ARID5B: variants seen among roughly 807,000 people sequenced by gnomAD.
ARID5B encodes the protein AT-rich interactive domain-containing protein 5B.
In ARID5B, 13 loss-of-function variants were observed where a neutral mutation model predicts 97.2. The ratio of observed to expected loss-of-function variants is 0.13; its 90% confidence interval spans 0.09 to 0.21. The LOEUF (loss-of-function observed/expected upper bound fraction) is 0.21, where lower values mean the gene tolerates loss of function less well. Ranked by LOEUF, ARID5B falls within the 10% of genes least tolerant of loss-of-function variation. ARID5B has a pLI of 1.00. For missense variants in ARID5B, 1,210 were observed against 1,465.3 expected (o/e 0.83, Z 2.84); for synonymous variants, 556 against 570.3 (o/e 0.97, Z 0.36).
chr10:62,024,382 A>G (rs1344041223), intron 4 of ARID5B, among the ~76,000 whole-genome samples: 1 of 152,230 alleles, frequency 6.6e-6, no homozygotes, highest in African/African-American at 2.4e-5. Context: ...CACATGCTCA[A>G]TTCTTGAGTT....
In ARID5B at chr10:62,000,267, G is replaced by A; in HGVS notation, c.679G>A (p.Asp227Asn). The change falls in exon 4 of 10, where the codon GAC (aspartate) becomes AAC (asparagine). Residue 227 changes from aspartate (D) to asparagine (N), a missense_variant. Physicochemically the swap from Asp to Asn is conservative, Grantham distance 23. Coordinates refer to ENST00000279873, the MANE Select transcript of ARID5B (RefSeq NM_032199.3). This position sits in a 1 kb window ranked among gnomAD's most constrained non-coding sequence, Gnocchi z 4.4. The part of the protein sequence containing the change: ...SRNPQILYCR[D>N]TFDHPTLIEN... ...GAACCCTCAGATCCTGTACTGTCGG[G>A]ACACCTTTGACCACCCGACTCTCAT... 1 of 1,613,566 alleles carries A rather than the reference G, an allele frequency of 6.2e-7. No individual in the cohort carries two copies. The highest frequency in any genetic ancestry group is 1.1e-5 in the South Asian group (1 of 91,042).
At chr10:61,952,806 C>A (rs902287399) in intron 3 of ARID5B, among the ~76,000 whole-genome samples, 1 of 151,954 alleles carries the variant, frequency 6.6e-6, no homozygotes, top group Non-Finnish European at 1.5e-5. Flanking sequence ...ATGCTTGAAG[C>A]TATCCTGCTA....
At chr10:61,910,380 C>T (rs1391998312) in intron 2 of ARID5B, among the ~76,000 whole-genome samples, 4 of 152,168 alleles carry the variant, frequency 2.6e-5, no homozygotes, top group Non-Finnish European at 4.4e-5. Context: ...TTGCCATCTT[C>T]TACTCAGAAT....
intron 4 of ARID5B, among the ~76,000 whole-genome samples, chr10:62,038,882 G>GT (rs1839598780): frequency 6.6e-6 from 1 of 152,154 alleles, no homozygotes; most frequent in Admixed American, 6.5e-5. Flanking sequence ...GCTAGAAATG[G>GT]TTTTAATATC....
chr10:62,066,483 C>G (rs574198985), intron 7 of ARID5B, among the ~76,000 whole-genome samples: 1 of 152,132 alleles, frequency 6.6e-6, no homozygotes, highest in African/African-American at 2.4e-5. Context: ...ACCACTTCCT[C>G]GAAGGGCCAG....
At chr10:62,071,505 A>G (rs1324001571) in intron 8 of ARID5B, among the ~76,000 whole-genome samples, 3 of 151,924 alleles carry the variant, frequency 2.0e-5, no homozygotes, top group Non-Finnish European at 4.4e-5. Flanking sequence ...TAGCTCATCT[A>G]GTTAAAGAAT....
chr10:62,020,210 C>T (rs1383521897), intron 4 of ARID5B, among the ~76,000 whole-genome samples: 2 of 152,208 alleles, frequency 1.3e-5, no homozygotes, highest in African/African-American at 4.8e-5. Flanking sequence ...CCAGTCCTTG[C>T]TTATTTAAAG....
intron 3 of ARID5B, among the ~76,000 whole-genome samples, chr10:61,973,883 C>T (rs901038393): frequency 6.6e-5 from 10 of 152,138 alleles, no homozygotes; most frequent in East Asian, 1.9e-4. Flanking sequence ...CAGTGCAGTG[C>T]GGGTTTATTG....
chr10:61,979,695 C>T (rs1052549942), intron 3 of ARID5B, among the ~76,000 whole-genome samples: 12 of 152,212 alleles, frequency 7.9e-5, no homozygotes, highest in Non-Finnish European at 1.6e-4. Context: ...ACAGTAGCCA[C>T]AGCAACCACA....
intron 2 of ARID5B, among the ~76,000 whole-genome samples, chr10:61,927,405 G>T (rs1357094333): frequency 6.6e-6 from 1 of 152,128 alleles, no homozygotes; most frequent in East Asian, 1.9e-4. Flanking sequence ...AGCTGCACTT[G>T]AACCTCAGTC....
At position 62,094,706 on chromosome 10, in the gene ARID5B, G is replaced by A. The variant is rs1564652678; in HGVS notation, c.*1676G>A. 4.3e-6 allele frequency: 1 copy of A among 231,456 alleles called. No homozygotes were observed. The highest frequency in any genetic ancestry group is 8.5e-6 in the Non-Finnish European group (1 of 117,016). The allele number at this position is 231,456 out of a possible 1,614,324, so 14.3% of individuals were successfully genotyped here. On this transcript the variant is annotated 3_prime_UTR_variant, in exon 10 of 10. Transcript: ENST00000279873. ...TTAATTAAAAGTCAATGGATACAGAGAGTGGATTTTCTCCCCAAGTCCCAT... is the reference window on the plus strand; with the variant it reads ...TTAATTAAAAGTCAATGGATACAGAAAGTGGATTTTCTCCCCAAGTCCCAT...
At chr10:62,030,507 T>G (rs1319651316) in intron 4 of ARID5B, among the ~76,000 whole-genome samples, 1 of 152,168 alleles carries the variant, frequency 6.6e-6, no homozygotes. Context: ...CCAGTTAGCC[T>G]AAGAGTGAGG....
chr10:61,953,548 A>G (rs1838351258), intron 3 of ARID5B, among the ~76,000 whole-genome samples: 1 of 152,114 alleles, frequency 6.6e-6, no homozygotes. Flanking sequence ...AGAAGCTGCC[A>G]TTTTAGGGTA....
At chr10:61,999,994 G>A in intron 3 of ARID5B, 97 bp from the exon 4 acceptor site, 1 of 1,236,350 alleles carries the variant, frequency 8.1e-7, no homozygotes, top group Non-Finnish European at 1.2e-6. Flanking sequence ...AGTCTTTTTA[G>A]TCCCAAACCA....
At chr10:61,983,036 C>T (rs991496540) in intron 3 of ARID5B, among the ~76,000 whole-genome samples, 2 of 152,132 alleles carry the variant, frequency 1.3e-5, no homozygotes, top group African/African-American at 4.8e-5. Flanking sequence ...TGCCTAGAAC[C>T]TCATATTGAG....
At chr10:62,020,475 G>A (rs537322076) in intron 4 of ARID5B, among the ~76,000 whole-genome samples, 2 of 152,168 alleles carry the variant, frequency 1.3e-5, no homozygotes, top group African/African-American at 4.8e-5. Flanking sequence ...CTTTGACATC[G>A]GATATTCTTC....
intron 7 of ARID5B, among the ~76,000 whole-genome samples, chr10:62,068,532 A>AT (rs1344713005): frequency 0.027 from 3,942 of 145,328 alleles, 130 homozygotes; most frequent in African/African-American, 0.078. Flanking sequence ...AGGTTTTTTA[A>AT]TTTTTTTTTT....
rs575750183 is a variant in ARID5B, at chr10:61,923,125, A to T, written c.277-17058A>T. On this transcript the variant is annotated intron_variant, in intron 2 of 9. Coordinates refer to ENST00000279873, the MANE Select transcript of ARID5B (RefSeq NM_032199.3). Reference sequence around the variant, plus strand: ...AGCATGCATCAGCAGTAAGACATACACATGGGGCATGTTGTATGTTTTTCT... The same window carrying T: ...AGCATGCATCAGCAGTAAGACATACTCATGGGGCATGTTGTATGTTTTTCT... 5.3e-5 allele frequency among the ~76,000 whole-genome samples: 8 copies of T among 152,352 alleles called. 1 individual carries two copies. Among genetic ancestry groups the T allele is most frequent in the African/African-American group, 1.9e-4 (8 of 41,584 alleles).
intron 8 of ARID5B, among the ~76,000 whole-genome samples, chr10:62,075,509 T>G (rs1415706089): frequency 1.3e-5 from 2 of 152,218 alleles, no homozygotes; most frequent in Non-Finnish European, 2.9e-5. Context: ...CTCTTCCGTG[T>G]GCTGAGCAAA....
Sources: allele counts gnomAD v4.1 joint callset (sites outside exome capture counted in the v4.1 genomes callset), GRCh38; gene constraint gnomAD v4.1.1; non-coding constraint Gnocchi (gnomAD v3.1); transcripts MANE v1.5; gene names NCBI Gene and HGNC (gene_info 2026-07-23, HGNC 2026-07-21).